The following PIK3CB variants were observed in gnomAD, a reference collection of about 807,000 sequenced individuals.
PIK3CB encodes phosphatidylinositol 4,5-bisphosphate 3-kinase catalytic subunit beta isoform.
A neutral mutation model predicts 136.8 loss-of-function variants in PIK3CB; 39 were observed. That is an observed-to-expected ratio of 0.29 (90% CI 0.22 to 0.37). The LOEUF is 0.37. PIK3CB is among the 10% of genes least tolerant of loss of function. The pLI, the probability that PIK3CB is intolerant of heterozygous loss-of-function variation, is 1.00. For missense variants in PIK3CB, 868 were observed against 1,275.4 expected (o/e 0.68, Z 4.87); for synonymous variants, 428 against 436.6 (o/e 0.98, Z 0.25).
intron 1 of PIK3CB, among the ~76,000 whole-genome samples, chr3:138,803,733 A>C (rs913247775): frequency 1.3e-5 from 2 of 152,118 alleles, no homozygotes; most frequent in African/African-American, 4.8e-5. Context: ...GCACTAGGGA[A>C]GTCACTGGAG....
At chr3:138,777,120 A>C (rs563353884) in intron 2 of PIK3CB, among the ~76,000 whole-genome samples, 1 of 152,146 alleles carries the variant, frequency 6.6e-6, no homozygotes, top group African/African-American at 2.4e-5. Context: ...GTCATCTCCA[A>C]GCTGAGCAGG....
intron 3 of PIK3CB, among the ~76,000 whole-genome samples, 166 bp from the exon 4 acceptor site, chr3:138,756,145 G>A (rs990990560): frequency 1.3e-5 from 2 of 151,648 alleles, no homozygotes; most frequent in Non-Finnish European, 2.9e-5. Flanking sequence ...ATTACAGAAT[G>A]GTGAAAATAA....
intron 2 of PIK3CB, among the ~76,000 whole-genome samples, chr3:138,779,680 C>T (rs574387365): frequency 1.4e-5 from 2 of 147,654 alleles, no homozygotes; most frequent in African/African-American, 5.0e-5. Flanking sequence ...AGCATGAAAT[C>T]GCTGCACCTG....
chr3:138,723,803 T>A (rs2044782511), intron 8 of PIK3CB, among the ~76,000 whole-genome samples: 1 of 152,170 alleles, frequency 6.6e-6, no homozygotes, highest in Non-Finnish European at 1.5e-5. Context: ...CACATCAACA[T>A]TTTAATTTCC....
chr3:138,721,733 T>C (rs1354031030), intron 8 of PIK3CB, among the ~76,000 whole-genome samples: 4 of 152,238 alleles, frequency 2.6e-5, no homozygotes, highest in Non-Finnish European at 5.9e-5. Flanking sequence ...TGGTCTCTTC[T>C]AGAATGACTT....
intron 10 of PIK3CB, chr3:138,707,551 T>A: frequency 8.3e-7 from 1 of 1,204,148 alleles, no homozygotes; most frequent in Non-Finnish European, 1.0e-6. Flanking sequence ...AATTTAGTTC[T>A]CAATCTTGAA....
At chr3:138,709,631 T>C (rs2044453429) in intron 10 of PIK3CB, among the ~76,000 whole-genome samples, 1 of 152,188 alleles carries the variant, frequency 6.6e-6, no homozygotes, top group Non-Finnish European at 1.5e-5. Context: ...GTAACAATTC[T>C]AGAGCTGACA....
intron 5 of PIK3CB, among the ~76,000 whole-genome samples, chr3:138,740,369 GAACAA>G (rs1435801408): frequency 4.6e-5 from 7 of 152,152 alleles, no homozygotes; most frequent in African/African-American, 1.7e-4. Flanking sequence ...AAACAAAACA[GAACAA>G]AACAAACAAA....
intron 2 of PIK3CB, among the ~76,000 whole-genome samples, chr3:138,777,154 T>C (rs1326617715): frequency 6.6e-6 from 1 of 152,136 alleles, no homozygotes; most frequent in African/African-American, 2.4e-5. Context: ...TAGCCTTCTA[T>C]GCCCCCACCA....
intron 1 of PIK3CB, among the ~76,000 whole-genome samples, chr3:138,807,690 C>T (rs968336308): frequency 6.6e-6 from 1 of 152,050 alleles, no homozygotes; most frequent in Non-Finnish European, 1.5e-5. Context: ...TCCAGTAGTT[C>T]AAGACCAACC....
At chr3:138,819,155 T>C (rs1424104951) in intron 1 of PIK3CB, among the ~76,000 whole-genome samples, 2 of 152,170 alleles carry the variant, frequency 1.3e-5, no homozygotes, top group East Asian at 1.9e-4. Context: ...GAGACCATCC[T>C]GGCTAACACG....
chr3:138,823,066 C>T (rs1049343382), intron 1 of PIK3CB, among the ~76,000 whole-genome samples: 20 of 151,074 alleles, frequency 1.3e-4, no homozygotes, highest in East Asian at 5.9e-4. Flanking sequence ...TAACAAACTA[C>T]ATTTTTTTTC....
intron 1 of PIK3CB, among the ~76,000 whole-genome samples, chr3:138,819,260 T>G (rs1180129968): frequency 6.6e-6 from 1 of 151,432 alleles, no homozygotes; most frequent in Non-Finnish European, 1.5e-5. Context: ...GGCAAAAGAA[T>G]CACTTGAACC....
chr3:138,783,812 G>A lies in PIK3CB; in HGVS notation c.-17+12651C>T, dbSNP rs907744746. On this transcript the variant is annotated intron_variant, in intron 2 of 23. Transcript: ENST00000674063. ...AATGTCAAACAGATAAATAAAAAAT[G>A]ATAAAATAAACAACTTTTGAAAGTT... Among the ~76,000 whole-genome samples, 2 of 151,696 alleles carry A rather than the reference G, an allele frequency of 1.3e-5. 1 individual carries two copies. The highest frequency in any genetic ancestry group is 2.9e-5 in the Non-Finnish European group (2 of 67,918).
chr3:138,784,401 T>C (rs899701298), intron 2 of PIK3CB, among the ~76,000 whole-genome samples: 3 of 151,782 alleles, frequency 2.0e-5, no homozygotes, highest in Non-Finnish European at 4.4e-5. Context: ...AAAAAGGCTC[T>C]CCCTCTCCCT....
chr3:138,820,017 GT>G (rs1933491188), intron 1 of PIK3CB, among the ~76,000 whole-genome samples: 1 of 152,154 alleles, frequency 6.6e-6, no homozygotes, highest in African/African-American at 2.4e-5. Context: ...TGATTTTGAT[GT>G]GCAGCCAGAG....
chr3:138,695,424 TGTTAA>T (rs1272329199), intron 13 of PIK3CB, among the ~76,000 whole-genome samples: 1 of 152,192 alleles, frequency 6.6e-6, no homozygotes, highest in African/African-American at 2.4e-5. Context: ...ATCTTGTGGA[TGTTAA>T]GTTTTATTCT....
intron 21 of PIK3CB, among the ~76,000 whole-genome samples, chr3:138,660,366 C>T (rs952267374): frequency 1.3e-5 from 2 of 152,108 alleles, no homozygotes; most frequent in Non-Finnish European, 2.9e-5. Context: ...AAACAGAATC[C>T]TATTATTACT....
At chr3:138,824,832 G>A (rs138954336) in intron 1 of PIK3CB, among the ~76,000 whole-genome samples, 87 of 148,620 alleles carry the variant, frequency 5.9e-4, no homozygotes, top group Middle Eastern at 3.4e-3. Context: ...CAAATCACCT[G>A]AGCTCAGGAG....
Sources: gnomAD v4.1 joint callset for allele counts (sites outside exome capture counted in the v4.1 genomes callset) on GRCh38, gnomAD v4.1.1 for gene constraint, MANE v1.5 for transcripts, NCBI Gene and HGNC (gene_info 2026-07-23, HGNC 2026-07-21) for gene names.